Variants in SLC38A4 observed in about 807,000 individuals in gnomAD.
SLC38A4 encodes the protein solute carrier family 38 member 4, also known as sodium-coupled neutral amino acid transporter 4.
In SLC38A4, 20 loss-of-function variants were observed where a neutral mutation model predicts 63.1. The observed-to-expected ratio is 0.32, with a 90% CI of 0.22 to 0.46. The LOEUF is 0.46. Ranked by LOEUF, SLC38A4 falls within the 20% of genes least tolerant of loss-of-function variation. The probability of loss-of-function intolerance (pLI) is 1.00; values close to 1 mark genes in which losing one functional copy is unlikely to be tolerated. For missense variants in SLC38A4, 526 were observed against 663.6 expected, an observed-to-expected ratio of 0.79 and a Z score of 2.28; for synonymous variants, 230 against 225.5, an observed-to-expected ratio of 1.02 and a Z score of -0.18.
At chr12:46,825,109 G>C (rs1939620767) in intron 1 of SLC38A4, among the ~76,000 whole-genome samples, 1 of 151,490 alleles carries the variant, frequency 6.6e-6, no homozygotes, top group Admixed American at 6.6e-5. Flanking sequence ...GAGGAAACCA[G>C]GTGAAAGGTT....
At chr12:46,796,008 T>C (rs1018268530) in intron 2 of SLC38A4, among the ~76,000 whole-genome samples, 2 of 152,148 alleles carry the variant, frequency 1.3e-5, no homozygotes, top group Admixed American at 1.3e-4. Flanking sequence ...TTTCTTCCCC[T>C]TTGTTTACTC....
At chr12:46,775,606 G>A (rs905252422) in intron 13 of SLC38A4, among the ~76,000 whole-genome samples, 3 of 151,932 alleles carry the variant, frequency 2.0e-5, no homozygotes, top group Non-Finnish European at 4.4e-5. Flanking sequence ...TAAACTCTAG[G>A]ATGAATGATT....
intron 1 of SLC38A4, among the ~76,000 whole-genome samples, chr12:46,819,538 G>C (rs772204010): frequency 2.6e-5 from 4 of 151,850 alleles, no homozygotes; most frequent in Non-Finnish European, 5.9e-5. Context: ...TATTCTTAAA[G>C]AGTTCTTTTC....
chr12:46,808,426 A>G (rs1296535313), intron 1 of SLC38A4, among the ~76,000 whole-genome samples: 2 of 152,066 alleles, frequency 1.3e-5, no homozygotes, highest in African/African-American at 4.8e-5. Context: ...AAAATTAGCA[A>G]ACAAGTTTGG....
intron 2 of SLC38A4, among the ~76,000 whole-genome samples, chr12:46,795,612 A>G (rs922597696): frequency 2.0e-5 from 3 of 152,026 alleles, no homozygotes; most frequent in Non-Finnish European, 2.9e-5. Flanking sequence ...GCCTTGAATA[A>G]CTTTTTTCAC....
intron 15 of SLC38A4, 102 bp downstream of exon 15, chr12:46,769,182 G>C: frequency 7.6e-7 from 1 of 1,312,196 alleles, no homozygotes; most frequent in Non-Finnish European, 1.1e-6. Flanking sequence ...CCATGAGCCT[G>C]AGAAAGAACG....
upstream of SLC38A4, among the ~76,000 whole-genome samples, chr12:46,827,789 A>G (rs113623200): frequency 0.025 from 3,863 of 152,098 alleles, 170 homozygotes; most frequent in African/African-American, 0.09. Context: ...CCTCAAATGG[A>G]AAGATAAGAC....
chr12:46,780,744 T>C (rs550047376), intron 7 of SLC38A4, among the ~76,000 whole-genome samples: 13 of 152,128 alleles, frequency 8.5e-5, no homozygotes, highest in African/African-American at 3.1e-4. Context: ...TGATGAAATC[T>C]ACAAGCCTTC....
intron 3 of SLC38A4, among the ~76,000 whole-genome samples, chr12:46,789,436 T>C (rs1278801925): frequency 1.3e-5 from 2 of 152,166 alleles, no homozygotes; most frequent in African/African-American, 4.8e-5. Context: ...AAGATGTCAC[T>C]ATCCACAGAG....
At chr12:46,783,113 G>A (rs1411213034) in intron 7 of SLC38A4, among the ~76,000 whole-genome samples, 1 of 147,848 alleles carries the variant, frequency 6.8e-6, no homozygotes, top group African/African-American at 2.5e-5. Flanking sequence ...CCTGTGAAAA[G>A]AAGGCATGGA....
chr12:46,776,405 G>A (rs1938525833), intron 13 of SLC38A4, among the ~76,000 whole-genome samples: 1 of 151,974 alleles, frequency 6.6e-6, no homozygotes, highest in Non-Finnish European at 1.5e-5. Flanking sequence ...AAATCATTTA[G>A]TATAACAAAA....
Position 46,784,615 on chromosome 12 carries a change from T to G in SLC38A4, c.420A>C (p.Lys140Asn). ...GCCATCCAAATGCCTTTTCTCCTAA[T>G]TTTTCATAAATCAAAGACCCTACAA... ...AKEGGSLIYE[K>N]LGEKAFGWPG... is the part of the protein sequence containing the mutation. Residue 140 changes from lysine to asparagine, a missense_variant, in exon 7 of 17, where the codon AAA (lysine) becomes AAC (asparagine). By Grantham distance (94) the Lys-to-Asn change is moderately conservative. Transcript: ENST00000266579. 6.2e-7 allele frequency: 1 copy of G among 1,612,740 alleles called. No individual in the cohort carries two copies. The highest frequency in any genetic ancestry group is 1.1e-5 in the South Asian group (1 of 91,004).
intron 1 of SLC38A4, among the ~76,000 whole-genome samples, chr12:46,811,053 AT>A (rs1157848712): frequency 8.5e-5 from 13 of 152,064 alleles, no homozygotes; most frequent in African/African-American, 2.9e-4. Flanking sequence ...GGCATATAAT[AT>A]TTTTTACAAT....
chr12:46,829,467 T>G (rs1193136875), upstream of SLC38A4, among the ~76,000 whole-genome samples: 1 of 148,744 alleles, frequency 6.7e-6, no homozygotes. Context: ...AAAGGAGGGT[T>G]AAGGTTCTAA....
intron 1 of SLC38A4, among the ~76,000 whole-genome samples, chr12:46,813,248 A>G (rs555109823): frequency 1.3e-5 from 2 of 152,156 alleles, no homozygotes; most frequent in African/African-American, 4.8e-5. Context: ...ATAAACAAAG[A>G]GATCTGCATA....
chr12:46,823,260 C>T (rs1229957632), intron 1 of SLC38A4, among the ~76,000 whole-genome samples: 2 of 152,136 alleles, frequency 1.3e-5, no homozygotes, highest in Non-Finnish European at 2.9e-5. Flanking sequence ...TGTTCATTCC[C>T]TCAAGTTTAT....
At chr12:46,808,273 C>T (rs1416585436) in intron 1 of SLC38A4, among the ~76,000 whole-genome samples, 1 of 151,910 alleles carries the variant, frequency 6.6e-6, no homozygotes, top group Non-Finnish European at 1.5e-5. Context: ...AGAAACCCCA[C>T]CAAGTGAAAT....
intron 2 of SLC38A4, among the ~76,000 whole-genome samples, chr12:46,800,648 G>A (rs1939113352): frequency 6.6e-6 from 1 of 152,014 alleles, no homozygotes; most frequent in African/African-American, 2.4e-5. Context: ...CTCCTGCGTA[G>A]TATTTATCAC....
intron 3 of SLC38A4, among the ~76,000 whole-genome samples, chr12:46,789,015 T>C (rs530200261): frequency 8.7e-4 from 133 of 152,250 alleles, no homozygotes; most frequent in Middle Eastern, 6.8e-3. Flanking sequence ...ATTTTATTAA[T>C]TCAACGAATA....
Sources: gnomAD v4.1 joint callset for allele counts (sites outside exome capture counted in the v4.1 genomes callset) on GRCh38, gnomAD v4.1.1 for gene constraint, MANE v1.5 for transcripts, NCBI Gene and HGNC (gene_info 2026-07-23, HGNC 2026-07-21) for gene names.